Variants in C5orf47 observed in about 807,000 individuals in gnomAD.
C5orf47 encodes the protein chromosome 5 open reading frame 47, also known as uncharacterized protein C5orf47.
In C5orf47, 20 loss-of-function variants were observed where a neutral mutation model predicts 20.6. The observed-to-expected ratio is 0.97, with a 90% CI of 0.68 to 1.41. The LOEUF is 1.41. Ranked by LOEUF, C5orf47 falls within the 40% of genes most tolerant of loss-of-function variation. The probability of loss-of-function intolerance (pLI) is 0.00; values close to 1 mark genes in which losing one functional copy is unlikely to be tolerated. For synonymous variants in C5orf47, 106 were observed against 97.3 expected (o/e 1.09, Z -0.53); for missense variants, 262 against 238.4 (o/e 1.10, Z -0.65).
rs11292600 is a variant in C5orf47 at position 173,990,125 on chromosome 5, A to ATTT, written c.325+553_325+555dup. Among the ~76,000 whole-genome samples the ATTT allele has an allele frequency of 2.7e-4, 37 of 138,200 alleles. 1 individual carries two copies. The highest frequency in any genetic ancestry group is 6.9e-4 in the South Asian group (3 of 4,340). The allele number at this position is 138,200 out of a possible 152,430, so 90.7% of individuals were successfully genotyped here. ...AATGCTCACTGTGTATAGGAAGCCAATTTTTTTTTTTTTTTTTTGAGACGG... is the reference window on the plus strand; with the variant it reads ...AATGCTCACTGTGTATAGGAAGCCAATTTTTTTTTTTTTTTTTTTTTGAGACGG... On this transcript the variant is annotated intron_variant, in intron 1 of 4. Coordinates refer to ENST00000340147, the MANE Select transcript of C5orf47 (RefSeq NM_001144954.2).
chr5:174,001,691 T>C (rs1204776075), intron 4 of C5orf47, among the ~76,000 whole-genome samples: 1 of 152,082 alleles, frequency 6.6e-6, no homozygotes, highest in Admixed American at 6.6e-5. Flanking sequence ...CTGCCTCACT[T>C]ACCATATTTA....
chr5:173,998,629 A>G (rs145015683), intron 2 of C5orf47, among the ~76,000 whole-genome samples: 40 of 152,326 alleles, frequency 2.6e-4, no homozygotes, highest in African/African-American at 8.9e-4. Context: ...AAGACAAGGA[A>G]TATGTAATAG....
chr5:174,007,718 C>T (rs1030302161), downstream of C5orf47, among the ~76,000 whole-genome samples: 5 of 152,008 alleles, frequency 3.3e-5, no homozygotes, highest in South Asian at 2.1e-4. Context: ...CCACCACACT[C>T]GGCTAATTTT....
Position 173,989,202 on chromosome 5 carries a change from G to C in C5orf47, c.-62G>C. ...CCCGCATCCCTCGCCTGCACAGTGG[G>C]CAGTCTGGCGCCTGTGGCGTCGTGT... On this transcript the variant is annotated 5_prime_UTR_variant, in exon 1 of 5. Coordinates refer to ENST00000340147, the MANE Select transcript of C5orf47 (RefSeq NM_001144954.2). The C allele has an allele frequency of 7.5e-7, 1 of 1,339,772 alleles. No homozygotes were observed. The highest frequency in any genetic ancestry group is 9.6e-7 in the Non-Finnish European group (1 of 1,044,454). 83.0% of individuals were successfully genotyped at this position (1,339,772 alleles called of 1,614,324 possible). A position where few individuals can be genotyped will look rare whatever the true frequency, so the allele number is the denominator to read the frequency against.
At chr5:174,001,722 C>A (rs1227995792) in intron 4 of C5orf47, among the ~76,000 whole-genome samples, 1 of 151,990 alleles carries the variant, frequency 6.6e-6, no homozygotes, top group African/African-American at 2.4e-5. Flanking sequence ...CACCTAATAA[C>A]AAATGCTGTC....
intron 2 of C5orf47, among the ~76,000 whole-genome samples, chr5:173,999,316 T>C (rs1240490217): frequency 6.6e-6 from 1 of 152,170 alleles, no homozygotes. Flanking sequence ...ATAAAATATG[T>C]TTAAAAAATC....
At chr5:174,001,276 C>T (rs931505303) in intron 4 of C5orf47, 45 bp downstream of exon 4, 4 of 1,063,670 alleles carry the variant, frequency 3.8e-6, no homozygotes, top group African/African-American at 3.2e-5. Context: ...AGATTTTATT[C>T]CCTTCCCTTC....
intron 4 of C5orf47, among the ~76,000 whole-genome samples, chr5:174,002,949 G>A (rs926705159): frequency 3.9e-5 from 6 of 152,040 alleles, no homozygotes; most frequent in African/African-American, 1.4e-4. Context: ...ACTTGCTGAT[G>A]CCTACTTATG....
downstream of C5orf47, among the ~76,000 whole-genome samples, chr5:174,009,215 G>GA (rs1165683749): frequency 2.0e-5 from 3 of 151,124 alleles, no homozygotes; most frequent in Admixed American, 6.6e-5. Flanking sequence ...TATCTTAAAA[G>GA]AAAAAAAATA....
At chr5:174,002,222 A>T (rs1759211795) in intron 4 of C5orf47, among the ~76,000 whole-genome samples, 1 of 152,036 alleles carries the variant, frequency 6.6e-6, no homozygotes, top group African/African-American at 2.4e-5. Flanking sequence ...CAGCTTTCCA[A>T]AGTGTTGGAA....
At position 173,989,181 on chromosome 5, in the gene C5orf47, C is replaced by A. The variant is rs909362165; in HGVS notation, c.-83C>A. 2.1e-4 allele frequency: 256 copies of A among 1,246,548 alleles called. 4 individuals carry two copies. In the East Asian group the frequency reaches 7.9e-3, roughly 39 times the overall value. 77.2% of individuals were successfully genotyped at this position (1,246,548 alleles called of 1,614,324 possible). On this transcript the variant is annotated 5_prime_UTR_variant, in exon 1 of 5. Coordinates refer to ENST00000340147, the MANE Select transcript of C5orf47 (RefSeq NM_001144954.2). Reference sequence around the variant, plus strand: ...GGTGGTCTGGCCCTAACCGCTCCCGCATCCCTCGCCTGCACAGTGGGCAGT... The same window carrying A: ...GGTGGTCTGGCCCTAACCGCTCCCGAATCCCTCGCCTGCACAGTGGGCAGT...
At chr5:174,004,133 TAA>T (rs1759245490) in intron 4 of C5orf47, 136 bp from the exon 5 acceptor site, 1 of 152,298 alleles carries the variant, frequency 6.6e-6, no homozygotes, top group African/African-American at 2.4e-5. Context: ...CTAGAGAAAG[TAA>T]AAGTCATTAA....
chr5:174,005,069 C>G lies in C5orf47; in HGVS notation c.*815C>G, dbSNP rs1401365375. The G allele has an allele frequency of 1.4e-4, 21 of 152,218 alleles. No individual in the cohort carries two copies. The East Asian group carries it at 3.9e-3, about 28-fold the overall frequency. 9.4% of individuals were successfully genotyped at this position (152,218 alleles called of 1,614,324 possible). A position where few individuals can be genotyped will look rare whatever the true frequency, so the allele number is the denominator to read the frequency against. The stretch of plus-strand genomic sequence containing the variant: ...TCAACTTTTACCTCCGCCAGTTTTT[C>G]TGCTTTTTTGCTGGTACGATCTCTC... On this transcript the variant is annotated 3_prime_UTR_variant, in exon 5 of 5. Coordinates refer to ENST00000340147, the MANE Select transcript of C5orf47 (RefSeq NM_001144954.2).
downstream of C5orf47, among the ~76,000 whole-genome samples, chr5:174,008,256 G>A (rs1759322409): frequency 6.6e-6 from 1 of 152,100 alleles, no homozygotes; most frequent in Non-Finnish European, 1.5e-5. Context: ...GTAATATATT[G>A]TTCATCTAGG....
At chr5:173,990,308 C>CG (rs11390280) in intron 1 of C5orf47, among the ~76,000 whole-genome samples, 25,772 of 69,302 alleles carry the variant, frequency 0.37, 2,928 homozygotes, top group African/African-American at 0.47. Flanking sequence ...ACATGGGGGG[C>CG]GGGGGGGTCT....
intron 1 of C5orf47, among the ~76,000 whole-genome samples, chr5:173,990,184 G>A (rs1758965175): frequency 6.8e-6 from 1 of 147,962 alleles, no homozygotes; most frequent in African/African-American, 2.5e-5. Flanking sequence ...GGAGTGTGGT[G>A]GTCCAATCAC....
At chr5:174,000,495 T>C (rs1459735211) in intron 3 of C5orf47, among the ~76,000 whole-genome samples, 2 of 152,162 alleles carry the variant, frequency 1.3e-5, no homozygotes, top group African/African-American at 4.8e-5. Flanking sequence ...TGCATTTCTT[T>C]CTTTAACATG....
At position 173,989,188 on chromosome 5, in the gene C5orf47, C is replaced by T. The variant is rs72814721; in HGVS notation, c.-76C>T. On this transcript the variant is annotated 5_prime_UTR_variant, in exon 1 of 5. Transcript: ENST00000340147. ...TGGCCCTAACCGCTCCCGCATCCCT[C>T]GCCTGCACAGTGGGCAGTCTGGCGC... 166,183 of 1,306,852 alleles carry T rather than the reference C, an allele frequency of 0.13. 11,632 individuals carry two copies. Among genetic ancestry groups the T allele is most frequent in the Non-Finnish European group, 0.14 (144,824 of 1,020,870 alleles). The allele number at this position is 1,306,852 out of a possible 1,614,324, so 81.0% of individuals were successfully genotyped here.
intron 1 of C5orf47, among the ~76,000 whole-genome samples, chr5:173,996,982 T>C (rs1472486518): frequency 2.0e-5 from 3 of 152,222 alleles, no homozygotes; most frequent in African/African-American, 7.2e-5. Context: ...GTCTGTGACC[T>C]GCTCCAAATC....
Sources: allele counts gnomAD v4.1 joint callset (sites outside exome capture counted in the v4.1 genomes callset), GRCh38; gene constraint gnomAD v4.1.1; transcripts MANE v1.5; gene names NCBI Gene and HGNC (gene_info 2026-07-23, HGNC 2026-07-21).